PDZD9: variants seen among roughly 807,000 people sequenced by gnomAD.
The protein encoded by PDZD9 is PDZ domain containing 9, also known as PDZ domain-containing protein 9.
Under a neutral mutation model 16.3 loss-of-function variants are expected in PDZD9, and 13 were observed. That is an observed-to-expected ratio of 0.80 (90% CI 0.52 to 1.27). The LOEUF is 1.27. Ranked by LOEUF, PDZD9 falls within the 50% of genes most tolerant of loss-of-function variation. PDZD9 has a pLI of 0.00. For missense variants in PDZD9, 288 were observed against 310.9 expected (o/e 0.93, Z 0.55); for synonymous variants, 120 against 111.0 (o/e 1.08, Z -0.51).
At chr16:21,980,543 A>T, downstream of PDZD9, 1 of 1,612,280 alleles carries the variant, frequency 6.2e-7, no homozygotes. Context: ...CTTTTATTGG[A>T]CAGGAACAAG....
At chr16:21,992,518 C>T (rs1899048165) in intron 2 of PDZD9, among the ~76,000 whole-genome samples, 1 of 152,144 alleles carries the variant, frequency 6.6e-6, no homozygotes, top group South Asian at 2.1e-4. Context: ...AGGCACCATC[C>T]AATCAGCTAC....
At chr16:21,982,913 A>C (rs1477731447), downstream of PDZD9, among the ~76,000 whole-genome samples, 1 of 151,418 alleles carries the variant, frequency 6.6e-6, no homozygotes, top group Non-Finnish European at 1.5e-5. Flanking sequence ...GCAGTGAGCC[A>C]AGATCGCAGC....
the PDZD9 span, chr16:21,958,633 T>C: frequency 1.7e-5 from 26 of 1,571,448 alleles, no homozygotes; most frequent in Non-Finnish European, 2.2e-5. Flanking sequence ...ATAGTGAAAA[T>C]GCCAGAAAAT....
the PDZD9 span, among the ~76,000 whole-genome samples, chr16:21,963,795 C>T: frequency 6.6e-6 from 1 of 152,010 alleles, no homozygotes; most frequent in Non-Finnish European, 1.5e-5. Context: ...AGTTGTTTTG[C>T]TTACCCCAAA....
chr16:21,989,023 G>C (rs1306790379), intron 2 of PDZD9, among the ~76,000 whole-genome samples: 1 of 149,092 alleles, frequency 6.7e-6, no homozygotes, highest in Non-Finnish European at 1.5e-5. Flanking sequence ...CCGCCTCCCA[G>C]GTTCAAGTGG....
chr16:21,959,406 G>A, the PDZD9 span: 65 of 266,796 alleles, frequency 2.4e-4, 1 homozygote, highest in Middle Eastern at 2.6e-3. Context: ...TCATCCATAA[G>A]AAGCATCTCC....
the PDZD9 span, chr16:21,973,952 C>G: frequency 6.2e-7 from 1 of 1,610,458 alleles, no homozygotes; most frequent in South Asian, 1.1e-5. Context: ...TTTATACTAT[C>G]TCCCAGGCCA....
chr16:21,962,719 TACA>T, the PDZD9 span: 1 of 1,612,634 alleles, frequency 6.2e-7, no homozygotes, highest in Non-Finnish European at 8.5e-7. Context: ...ATGTTGGCTT[TACA>T]TTTTTGACTC....
the PDZD9 span, among the ~76,000 whole-genome samples, chr16:21,977,489 C>G: frequency 1.3e-5 from 2 of 152,076 alleles, no homozygotes; most frequent in Non-Finnish European, 2.9e-5. Context: ...CAAAAAAGAT[C>G]TGATTTTGTT....
chr16:21,998,154 G>A (rs1371424113), intron 1 of PDZD9, among the ~76,000 whole-genome samples: 3 of 152,192 alleles, frequency 2.0e-5, no homozygotes, highest in Non-Finnish European at 4.4e-5. Context: ...TCTGGTTCCT[G>A]AGCAAACAGA....
At chr16:21,989,743 TAAGGA>T (rs1248192431) in intron 2 of PDZD9, among the ~76,000 whole-genome samples, 1 of 152,096 alleles carries the variant, frequency 6.6e-6, no homozygotes, top group Admixed American at 6.5e-5. Flanking sequence ...CAACGCAGGA[TAAGGA>T]AAGAAACAAG....
At position 21,996,382 on chromosome 16, in the gene PDZD9, G is replaced by C; in HGVS notation, c.151C>G (p.Leu51Val). ...GLIIIQHGPY[L>V]QITHLIRKGA... ...TTCCTGATGAGGTGGGTGATCTGGAGGTAGGGTCCATGCTGGATGATGATG... is the reference window on the plus strand; with the variant it reads ...TTCCTGATGAGGTGGGTGATCTGGACGTAGGGTCCATGCTGGATGATGATG... The change falls in exon 2 of 4, where the codon CTC becomes GTC. Residue 51 changes from leucine to valine, a missense_variant. Physicochemically the swap from Leu to Val is conservative, Grantham distance 32. Transcript: ENST00000424898. The C allele has an allele frequency of 1.3e-6, 2 of 1,536,082 alleles. No homozygotes were observed. Among genetic ancestry groups the C allele is most frequent in the Non-Finnish European group, 1.7e-6 (2 of 1,146,864 alleles).
the PDZD9 span, chr16:21,958,542 A>G: frequency 6.2e-7 from 1 of 1,612,248 alleles, no homozygotes; most frequent in East Asian, 2.2e-5. Flanking sequence ...AAGACGACAA[A>G]AGGAGCTTCA....
chr16:21,958,699 C>T, the PDZD9 span: 2 of 1,011,706 alleles, frequency 2.0e-6, no homozygotes, highest in South Asian at 1.5e-5. Context: ...ATTTCTTAAG[C>T]AACATAAGAA....
chr16:21,970,830 C>T, the PDZD9 span, among the ~76,000 whole-genome samples: 1 of 152,168 alleles, frequency 6.6e-6, no homozygotes, highest in East Asian at 1.9e-4. Context: ...AGGTGATCCA[C>T]TTGCCTCGGC....
In PDZD9 at chr16:21,997,907, C is replaced by G. The variant is rs1899190000; in HGVS notation, c.32-1406G>C. On this transcript the variant is annotated intron_variant, in intron 1 of 3. Coordinates refer to ENST00000424898, the MANE Select transcript of PDZD9 (RefSeq NM_001363519.1). ...CATGTGACTGTGGTGTTTTCAGGGC[C>G]ACTGCTGAGGGAGAGGCTCCCCCAG... Among the ~76,000 whole-genome samples the G allele has an allele frequency of 2.0e-5, 3 of 152,148 alleles. No homozygotes were observed. In the South Asian group the frequency reaches 6.2e-4, roughly 32 times the overall value.
the PDZD9 span, among the ~76,000 whole-genome samples, chr16:21,964,278 G>A: frequency 8.5e-5 from 13 of 152,262 alleles, no homozygotes; most frequent in South Asian, 4.2e-4. Context: ...CCCCACTGGC[G>A]GCAGTGAGGC....
At chr16:21,962,776 G>C in the PDZD9 span, 10 of 1,614,070 alleles carry the variant, frequency 6.2e-6, no homozygotes, top group East Asian at 2.0e-4. Context: ...TTCTAATGGA[G>C]TTCCTGCTCA....
the PDZD9 span, chr16:21,976,101 G>C: frequency 9.1e-7 from 1 of 1,096,260 alleles, no homozygotes; most frequent in African/African-American, 1.6e-5. Flanking sequence ...CAGTAAAGAA[G>C]TGTGTCAGTG....
Sources: gnomAD v4.1 joint callset for allele counts (sites outside exome capture counted in the v4.1 genomes callset) on GRCh38, gnomAD v4.1.1 for gene constraint, MANE v1.5 for transcripts, NCBI Gene and HGNC (gene_info 2026-07-23, HGNC 2026-07-21) for gene names.